Variants in TBC1D5 observed in about 807,000 individuals in gnomAD.
TBC1D5 encodes TBC1 domain family member 5.
TBC1D5 carries 75 observed loss-of-function variants against 100.3 expected under a neutral mutation model. The observed-to-expected ratio is 0.75, with a 90% CI of 0.62 to 0.91. TBC1D5 has a LOEUF of 0.91. TBC1D5 is among the 40% of genes least tolerant of loss of function. The probability of loss-of-function intolerance (pLI) is 0.00; values close to 1 mark genes in which losing one functional copy is unlikely to be tolerated. For synonymous variants in TBC1D5, 323 were observed against 325.6 expected (o/e 0.99, Z 0.09); for missense variants, 910 against 942.4 (o/e 0.97, Z 0.45).
intron 2 of TBC1D5, among the ~76,000 whole-genome samples, chr3:17,514,197 G>C (rs571605492): frequency 1.3e-5 from 2 of 152,120 alleles, no homozygotes; most frequent in Non-Finnish European, 2.9e-5. Context: ...AATATTGTTA[G>C]ATTGTATATC....
At chr3:17,641,213 T>C (rs1345036503) in intron 1 of TBC1D5, among the ~76,000 whole-genome samples, 4 of 152,148 alleles carry the variant, frequency 2.6e-5, no homozygotes, top group South Asian at 2.1e-4. Context: ...AATTAGTCCA[T>C]TGCTTACTTA....
At chr3:17,404,879 T>C (rs1318966346) in exon 6 of TBC1D5, 1 of 1,583,856 alleles carries the variant, frequency 6.3e-7, no homozygotes, top group East Asian at 2.3e-5. Context: ...TACTATTTCT[T>C]TAATGTTGCT....
At chr3:17,390,617 G>C (rs1226846054) in intron 8 of TBC1D5, among the ~76,000 whole-genome samples, 1 of 152,046 alleles carries the variant, frequency 6.6e-6, no homozygotes. Flanking sequence ...AACAATAACT[G>C]TTGTTATGCC....
intron 1 of TBC1D5, among the ~76,000 whole-genome samples, chr3:17,682,402 C>A (rs934062775): frequency 2.0e-5 from 3 of 151,524 alleles, no homozygotes; most frequent in African/African-American, 7.3e-5. Flanking sequence ...TTACTGTCAC[C>A]TTGAAAATAG....
intron 15 of TBC1D5, among the ~76,000 whole-genome samples, chr3:17,275,132 A>G (rs529556603): frequency 6.6e-6 from 1 of 152,314 alleles, no homozygotes; most frequent in African/African-American, 2.4e-5. Context: ...CTCTTCAGAA[A>G]CCAATTTTAA....
intron 19 of TBC1D5, among the ~76,000 whole-genome samples, chr3:17,171,557 G>A (rs1039917510): frequency 1.3e-5 from 2 of 152,100 alleles, no homozygotes; most frequent in African/African-American, 4.8e-5. Context: ...TCCTTGGCTT[G>A]TAGATGCATC....
At chr3:17,582,859 G>A (rs1322230052) in intron 2 of TBC1D5, among the ~76,000 whole-genome samples, 2 of 151,846 alleles carry the variant, frequency 1.3e-5, no homozygotes, top group Admixed American at 1.3e-4. Context: ...TTGAGCAAAT[G>A]AAGAAAAGTA....
intron 3 of TBC1D5, among the ~76,000 whole-genome samples, chr3:17,461,846 TCCTC>T (rs1315610239): frequency 6.6e-6 from 1 of 152,180 alleles, no homozygotes; most frequent in Admixed American, 6.5e-5. Flanking sequence ...CTTTAATTTC[TCCTC>T]CCTATCTATG....
chr3:17,261,327 G>A (rs1305628305), intron 15 of TBC1D5, among the ~76,000 whole-genome samples: 1 of 152,114 alleles, frequency 6.6e-6, no homozygotes, highest in East Asian at 1.9e-4. Flanking sequence ...ATATATAAAT[G>A]TACACATAAA....
intron 13 of TBC1D5, among the ~76,000 whole-genome samples, chr3:17,311,773 G>A (rs182499021): frequency 8.5e-5 from 13 of 152,056 alleles, no homozygotes; most frequent in African/African-American, 3.1e-4. Context: ...ACGTAGAAAC[G>A]TTACATTCAA....
At chr3:17,455,305 T>C (rs1403596109) in intron 3 of TBC1D5, among the ~76,000 whole-genome samples, 5 of 147,120 alleles carry the variant, frequency 3.4e-5, no homozygotes, top group Non-Finnish European at 7.5e-5. Flanking sequence ...TGTATGTATA[T>C]ATGTAAATAT....
chr3:17,217,050 T>C (rs1303375008), intron 17 of TBC1D5, among the ~76,000 whole-genome samples: 1 of 152,122 alleles, frequency 6.6e-6, no homozygotes. Flanking sequence ...CCTCTTCCCA[T>C]AGTCCCTGCA....
intron 2 of TBC1D5, among the ~76,000 whole-genome samples, chr3:17,524,952 A>C (rs73155206): frequency 0.069 from 10,492 of 152,154 alleles, 710 homozygotes; most frequent in African/African-American, 0.18. Context: ...AAAAAAAAAA[A>C]AATATGTACA....
Position 17,371,114 on chromosome 3 carries a change from G to A in TBC1D5, c.995+961C>T, listed in dbSNP as rs114732902. ...ACACACATGCACACCCACCCCTAAG[G>A]AGTGAGCATCTCCCTGTTCTGCTAT... On this transcript the variant is annotated intron_variant, in intron 13 of 21. Coordinates refer to ENST00000253692, the Ensembl canonical transcript of TBC1D5. Among the ~76,000 whole-genome samples the A allele has an allele frequency of 9.6e-4, 146 of 151,622 alleles. 1 individual carries two copies. Among genetic ancestry groups the A allele is most frequent in the African/African-American group, 3.3e-3 (136 of 41,328 alleles).
chr3:17,578,784 T>C (rs2096673379), intron 2 of TBC1D5, among the ~76,000 whole-genome samples: 1 of 152,050 alleles, frequency 6.6e-6, no homozygotes, highest in African/African-American at 2.4e-5. Flanking sequence ...TTATTCCATG[T>C]TGCTAGAGCT....
At chr3:17,258,987 A>AG (rs1491311602) in intron 15 of TBC1D5, among the ~76,000 whole-genome samples, 1 of 152,162 alleles carries the variant, frequency 6.6e-6, no homozygotes, top group Non-Finnish European at 1.5e-5. Context: ...GGGGGAAGAG[A>AG]AAGTCATTAG....
chr3:17,582,442 T>C (rs2096704515), intron 2 of TBC1D5, among the ~76,000 whole-genome samples: 1 of 151,936 alleles, frequency 6.6e-6, no homozygotes, highest in Non-Finnish European at 1.5e-5. Context: ...CTTTCTGAAG[T>C]TGTAGTTAAA....
intron 2 of TBC1D5, among the ~76,000 whole-genome samples, chr3:17,538,304 A>T (rs961289900): frequency 1.3e-5 from 2 of 152,178 alleles, no homozygotes; most frequent in Non-Finnish European, 2.9e-5. Context: ...TCCACTTCTC[A>T]GGAAGATCTC....
At chr3:17,369,802 A>G (rs998891738) in intron 13 of TBC1D5, among the ~76,000 whole-genome samples, 1 of 152,190 alleles carries the variant, frequency 6.6e-6, no homozygotes, top group African/African-American at 2.4e-5. Context: ...AACCAAATTA[A>G]TATGTGAAAT....
Sources: allele counts gnomAD v4.1 joint callset (sites outside exome capture counted in the v4.1 genomes callset), GRCh38; gene constraint gnomAD v4.1.1; transcripts MANE v1.5; gene names NCBI Gene and HGNC (gene_info 2026-07-23, HGNC 2026-07-21).